Variants in PTGER3 observed in about 807,000 individuals in gnomAD.
PTGER3 encodes the protein prostaglandin E2 receptor EP3 subtype.
A neutral mutation model predicts 34.7 loss-of-function variants in PTGER3; 22 were observed. The observed-to-expected ratio is 0.63, with a 90% CI of 0.45 to 0.91. The LOEUF is 0.91. PTGER3 is among the 40% of genes least tolerant of loss of function. PTGER3 has a pLI of 0.00. For missense variants in PTGER3, 468 were observed against 519.4 expected (o/e 0.90, Z 0.96); for synonymous variants, 241 against 230.1 (o/e 1.05, Z -0.43).
chr1:70,983,154 A>G (rs896964632), intron 2 of PTGER3, among the ~76,000 whole-genome samples: 4 of 151,844 alleles, frequency 2.6e-5, no homozygotes, highest in Non-Finnish European at 5.9e-5. Context: ...GAAATGCAAA[A>G]CCATAGCCCA....
rs538162235 is a variant in PTGER3 at position 71,002,669 on chromosome 1, C to T, written c.1077+9636G>A. On this transcript the variant is annotated intron_variant, in intron 2 of 3. Transcript: ENST00000306666. ...TGCATATCTAATTAGAGCTGCCCAA[C>T]ATTTAAGGCAGTGATTACACTTCAT... Among the ~76,000 whole-genome samples, 20 of 152,312 alleles carry T rather than the reference C, an allele frequency of 1.3e-4. No individual in the cohort carries two copies. In the South Asian group the frequency reaches 3.5e-3, roughly 27 times the overall value.
At position 71,016,569 on chromosome 1, in the gene PTGER3, G is replaced by A. The variant is rs1409642394; in HGVS notation, c.898-4085C>T. Among the ~76,000 whole-genome samples, 4 of 152,178 alleles carry A rather than the reference G, an allele frequency of 2.6e-5. No homozygotes were observed. In the East Asian group the frequency reaches 7.7e-4, roughly 29 times the overall value. ...TGTAATCCCAGCACTTTGGGAGGTC[G>A]AGGCAGATGGATCCCCTGAACCCAG... On this transcript the variant is annotated intron_variant, in intron 1 of 3. Coordinates refer to ENST00000306666, the MANE Select transcript of PTGER3 (RefSeq NM_198719.2).
intron 4 of PTGER3, among the ~76,000 whole-genome samples, chr1:70,930,505 T>C (rs892769185): frequency 1.3e-5 from 2 of 152,186 alleles, no homozygotes; most frequent in Admixed American, 1.3e-4. Context: ...CTTGTATTAG[T>C]CCACTTATGT....
At chr1:71,010,905 T>C (rs1440013315) in intron 2 of PTGER3, 2 of 985,012 alleles carry the variant, frequency 2.0e-6, no homozygotes, top group East Asian at 2.3e-4. Flanking sequence ...CACAGAAATA[T>C]GCAGTTACTA....
At chr1:71,005,680 C>T (rs561140911) in intron 2 of PTGER3, among the ~76,000 whole-genome samples, 2 of 152,230 alleles carry the variant, frequency 1.3e-5, no homozygotes, top group South Asian at 4.1e-4. Flanking sequence ...TTCTCCATGA[C>T]AAACATCCAT....
At chr1:70,923,794 C>T (rs1048996675) in intron 4 of PTGER3, among the ~76,000 whole-genome samples, 2 of 152,112 alleles carry the variant, frequency 1.3e-5, no homozygotes, top group Non-Finnish European at 2.9e-5. Flanking sequence ...CAGTTTTATC[C>T]AGAATTTGGA....
chr1:71,009,897 C>T, intron 2 of PTGER3: 2 of 985,230 alleles, frequency 2.0e-6, no homozygotes, highest in Non-Finnish European at 2.4e-6. Flanking sequence ...TCTCTGAAAT[C>T]TAACCTCAAC....
intron 2 of PTGER3, among the ~76,000 whole-genome samples, chr1:70,975,648 T>C (rs1045584000): frequency 3.3e-5 from 5 of 152,180 alleles, no homozygotes; most frequent in Non-Finnish European, 4.4e-5. Flanking sequence ...ATTTCTGTTT[T>C]AGGTAGGCAG....
chr1:71,006,052 GTA>G (rs1311930816), intron 2 of PTGER3: 1 of 660,364 alleles, frequency 1.5e-6, no homozygotes, highest in African/African-American at 2.0e-5. Flanking sequence ...ATTTGTAACT[GTA>G]TATTAGCATT....
chr1:70,870,942 G>A (rs777586660), intron 4 of PTGER3, among the ~76,000 whole-genome samples: 3 of 152,116 alleles, frequency 2.0e-5, no homozygotes, highest in Non-Finnish European at 4.4e-5. Flanking sequence ...CTGAGATGTC[G>A]AAACTCTTCT....
At chr1:70,989,818 C>T (rs1354315979) in intron 2 of PTGER3, among the ~76,000 whole-genome samples, 1 of 152,002 alleles carries the variant, frequency 6.6e-6, no homozygotes, top group African/African-American at 2.4e-5. Flanking sequence ...AGTAAAAATG[C>T]CCCTGGACTT....
chr1:70,913,015 C>T (rs1227276748), intron 4 of PTGER3, among the ~76,000 whole-genome samples: 1 of 151,888 alleles, frequency 6.6e-6, no homozygotes, highest in Non-Finnish European at 1.5e-5. Context: ...ATTTTATAAT[C>T]AGCTTATAGA....
chr1:70,859,817 A>G (rs149126167), intron 4 of PTGER3, among the ~76,000 whole-genome samples: 9 of 152,330 alleles, frequency 5.9e-5, no homozygotes, highest in Admixed American at 1.3e-4. Context: ...GGAAGTTGAC[A>G]AGAAAGATGT....
chr1:70,978,951 T>C (rs541667), intron 2 of PTGER3, among the ~76,000 whole-genome samples: 92,919 of 152,046 alleles, frequency 0.61, 28,610 homozygotes, highest in Middle Eastern at 0.65. Flanking sequence ...AATCTAGCTT[T>C]CTCTTTCTGC....
chr1:71,047,064 G>A lies in PTGER3; in HGVS notation c.514C>T (p.Arg172Cys). ...CCGAGCAGCACAGCGCGGGTGGCACGCGTCTTCATGTGGCTCGCATACCAG... is the reference window on the plus strand; with the variant it reads ...CCGAGCAGCACAGCGCGGGTGGCACACGTCTTCATGTGGCTCGCATACCAG... ...PHWYASHMKT[R>C]ATRAVLLGVW... Residue 172 changes from arginine to cysteine, a missense_variant, in exon 1 of 4, where the codon CGT becomes TGT. This residue lies in a region of PTGER3 where 204 missense variants were observed against 230.8 expected (regional missense o/e 0.88). Coordinates refer to ENST00000306666, the MANE Select transcript of PTGER3 (RefSeq NM_198719.2). The A allele has an allele frequency of 2.5e-6, 4 of 1,611,746 alleles. No individual in the cohort carries two copies. The highest frequency in any genetic ancestry group is 2.5e-6 in the Non-Finnish European group (3 of 1,179,356).
At chr1:70,995,386 T>C (rs1655840087) in intron 2 of PTGER3, among the ~76,000 whole-genome samples, 1 of 152,114 alleles carries the variant, frequency 6.6e-6, no homozygotes, top group Non-Finnish European at 1.5e-5. Context: ...GGGGAAGTAG[T>C]AAAGGACACT....
chr1:70,913,365 G>T (rs982529198), intron 4 of PTGER3, among the ~76,000 whole-genome samples: 4 of 152,022 alleles, frequency 2.6e-5, no homozygotes, highest in Non-Finnish European at 5.9e-5. Context: ...GCCTTGCTAC[G>T]TTGACTGGTT....
In PTGER3 at chr1:70,953,785, C is replaced by A. The variant is rs766481804; in HGVS notation, c.1082G>T (p.Arg361Ile). 3.6e-5 allele frequency: 51 copies of A among 1,408,358 alleles called. No homozygotes were observed. The highest frequency in any genetic ancestry group is 1.8e-4 in the Middle Eastern group (1 of 5,490). 87.2% of individuals were successfully genotyped at this position (1,408,358 alleles called of 1,614,324 possible). Residue 361 changes from arginine to isoleucine, a missense_variant, in exon 3 of 4, where the codon AGA becomes ATA. Arg to Ile is a moderately conservative substitution (Grantham distance 97). Coordinates refer to the PTGER3 transcript ENST00000356595. ...TACTTGCTCTCTGAGTCTTCTTTTT[C>A]TCATCTGAAAAAGAGTAATAACAGT...
At chr1:70,863,381 T>C (rs1208253161) in intron 4 of PTGER3, among the ~76,000 whole-genome samples, 1 of 152,182 alleles carries the variant, frequency 6.6e-6, no homozygotes, top group East Asian at 1.9e-4. Context: ...GATCATGTGT[T>C]CAGGCTGAAT....
Sources: allele counts gnomAD v4.1 joint callset (sites outside exome capture counted in the v4.1 genomes callset), GRCh38; gene constraint gnomAD v4.1.1; regional missense constraint gnomAD v4.1.1; transcripts MANE v1.5; gene names NCBI Gene and HGNC (gene_info 2026-07-23, HGNC 2026-07-21).